Variants in IP6K2 observed in about 807,000 individuals in gnomAD.
IP6K2 encodes the protein ATP:1D-myo-inositol-hexakisphosphate phosphotransferase.
Under a neutral mutation model 43.3 loss-of-function variants are expected in IP6K2, and 9 were observed. The observed-to-expected ratio is 0.21, with a 90% CI of 0.13 to 0.36. The LOEUF (loss-of-function observed/expected upper bound fraction) is 0.36, where lower values mean the gene tolerates loss of function less well. Ranked by LOEUF, IP6K2 falls within the 10% of genes least tolerant of loss-of-function variation. The pLI is 1.00. For missense variants in IP6K2, 332 were observed against 538.4 expected (o/e 0.62, Z 3.79); for synonymous variants, 209 against 202.4 (o/e 1.03, Z -0.28).
intron 2 of IP6K2, chr3:48,694,449 G>A (rs756412351): frequency 6.5e-7 from 1 of 1,548,980 alleles, no homozygotes; most frequent in South Asian, 1.2e-5. Flanking sequence ...TTTCTTTAAT[G>A]GATTCTTACT....
intron 2 of IP6K2, chr3:48,694,876 C>T: frequency 6.5e-7 from 1 of 1,538,604 alleles, no homozygotes; most frequent in Non-Finnish European, 8.7e-7. Flanking sequence ...CAAATCCACA[C>T]AACAAAACAG....
At chr3:48,715,578 C>T in intron 1 of IP6K2, 1 of 1,031,702 alleles carries the variant, frequency 9.7e-7, no homozygotes, top group South Asian at 1.5e-5. Flanking sequence ...ATTTCTAGAT[C>T]TCCCAGGTCC....
intron 1 of IP6K2, among the ~76,000 whole-genome samples, chr3:48,712,200 C>G (rs1197844890): frequency 6.6e-6 from 1 of 151,162 alleles, no homozygotes; most frequent in East Asian, 1.9e-4. Context: ...TCAAGACCAG[C>G]CTGGGTAAAA....
At chr3:48,693,536 A>G in intron 2 of IP6K2, 5 of 1,214,330 alleles carry the variant, frequency 4.1e-6, no homozygotes, top group Non-Finnish European at 5.2e-6. Context: ...AGTTTGCGGG[A>G]ATTTTTAATG....
chr3:48,707,392 C>A (rs1348946125), intron 1 of IP6K2, among the ~76,000 whole-genome samples: 3 of 152,178 alleles, frequency 2.0e-5, no homozygotes, highest in African/African-American at 7.2e-5. Context: ...AAGATGTATA[C>A]AAGGTGCTAG....
At chr3:48,716,310 A>AT (rs2081187527) in intron 1 of IP6K2, 1 of 152,142 alleles carries the variant, frequency 6.6e-6, no homozygotes, top group African/African-American at 2.4e-5. Context: ...ATTCAAGATG[A>AT]TTTTTTGTTC....
rs1409645246 is a variant in IP6K2, at chr3:48,688,934, C to T, written c.781-161G>A. Among the ~76,000 whole-genome samples, 2 of 152,342 alleles carry T rather than the reference C, an allele frequency of 1.3e-5. No individual in the cohort carries two copies. The highest frequency in any genetic ancestry group is 3.9e-4 in the East Asian group (2 of 5,184). ...ACTGTCCACTATGCTCTCTGATCAG[C>T]CCCCACCTGGGATGCAGCCATCCAA... On this transcript the variant is annotated intron_variant, in intron 5 of 5. Transcript: ENST00000328631. This position sits in a 1 kb window ranked among gnomAD's most constrained non-coding sequence, Gnocchi z 5.1.
chr3:48,693,691 A>T, intron 2 of IP6K2: 1 of 1,084,040 alleles, frequency 9.2e-7, no homozygotes, highest in Non-Finnish European at 1.1e-6. Context: ...GGGCAAACAA[A>T]ACAAACCACA....
chr3:48,694,299 G>GC (rs2078067417), intron 2 of IP6K2: 1 of 1,551,166 alleles, frequency 6.4e-7, no homozygotes, highest in Non-Finnish European at 8.7e-7. Context: ...CATCCCCACC[G>GC]CAATACACAT....
Position 48,693,110 on chromosome 3 carries a change from C to G in IP6K2, c.272G>C (p.Gly91Ala), listed in dbSNP as rs1175679405. The G allele has an allele frequency of 6.2e-7, 1 of 1,614,208 alleles. No individual in the cohort carries two copies. The highest frequency in any genetic ancestry group is 8.5e-7 in the Non-Finnish European group (1 of 1,180,008). The change falls in exon 3 of 6, where the codon GGG (glycine) becomes GCG (alanine). Residue 91 changes from glycine to alanine, a missense_variant. By Grantham distance (60) the Gly-to-Ala change is moderately conservative. Coordinates refer to ENST00000328631, the MANE Select transcript of IP6K2 (RefSeq NM_016291.4). Reference sequence around the variant, plus strand: ...TACAATGTCCACAATTCCATGGTCCCCTTTCAATGGATATGCTATTAGACA... The same window carrying G: ...TACAATGTCCACAATTCCATGGTCCGCTTTCAATGGATATGCTATTAGACA... ...NLCLIAYPLK[G>A]DHGIVDIVDN...
At chr3:48,693,714 C>A in intron 2 of IP6K2, 1 of 1,052,800 alleles carries the variant, frequency 9.5e-7, no homozygotes, top group Non-Finnish European at 1.1e-6. Context: ...GCACAAGACA[C>A]CCTAGCAAAG....
At chr3:48,690,045 T>C (rs2077631577) in intron 4 of IP6K2, among the ~76,000 whole-genome samples, 1 of 152,350 alleles carries the variant, frequency 6.6e-6, no homozygotes, top group Middle Eastern at 3.4e-3. Context: ...CAATTACAAG[T>C]AGAACATCAA....
chr3:48,702,450 T>G (rs11928552), intron 1 of IP6K2, among the ~76,000 whole-genome samples: 4 of 144,326 alleles, frequency 2.8e-5, no homozygotes, highest in Admixed American at 2.7e-4. Context: ...TCACCCCCCC[T>G]TTTTTTTTTT....
At chr3:48,710,617 GT>G (rs922183846) in intron 1 of IP6K2, among the ~76,000 whole-genome samples, 1 of 148,792 alleles carries the variant, frequency 6.7e-6, no homozygotes, top group Non-Finnish European at 1.5e-5. Context: ...CATTAGTTTA[GT>G]TTTTTTTTTG....
intron 1 of IP6K2, among the ~76,000 whole-genome samples, chr3:48,696,209 A>C (rs536449236): frequency 6.6e-6 from 1 of 152,050 alleles, no homozygotes; most frequent in South Asian, 2.1e-4. Context: ...TATAAAATGC[A>C]TTTAAATACA....
rs375983230 is a variant in IP6K2, at chr3:48,688,619, G to A, written c.935C>T (p.Thr312Ile). 1 of 1,614,244 alleles carries A rather than the reference G, an allele frequency of 6.2e-7. No individual in the cohort carries two copies. Among genetic ancestry groups the A allele is most frequent in the Non-Finnish European group, 8.5e-7 (1 of 1,180,054 alleles). Reference sequence around the variant, plus strand: ...TCGCTCCAACACTGCCTTGAGCTCAGTCAGCTTCTTGAGCACAGGGCCCAG... The same window carrying A: ...TCGCTCCAACACTGCCTTGAGCTCAATCAGCTTCTTGAGCACAGGGCCCAG... The part of the protein sequence containing the change: ...ELLGPVLKKL[T>I]ELKAVLERQE... The change falls in exon 6 of 6, where the codon ACT (threonine) becomes ATT (isoleucine). Residue 312 changes from threonine to isoleucine, a missense_variant. Physicochemically the swap from Thr to Ile is moderately conservative, Grantham distance 89. Transcript: ENST00000328631. The surrounding 1 kb of genome is among the most constrained non-coding windows in gnomAD (Gnocchi z 5.1).
intron 2 of IP6K2, chr3:48,694,041 C>T: frequency 1.4e-6 from 2 of 1,429,930 alleles, no homozygotes; most frequent in African/African-American, 1.5e-5. Flanking sequence ...CCCAGCATCA[C>T]TCAATCTGCT....
chr3:48,709,302 G>A (rs1360126634), intron 1 of IP6K2, among the ~76,000 whole-genome samples: 1 of 152,242 alleles, frequency 6.6e-6, no homozygotes, highest in Non-Finnish European at 1.5e-5. Flanking sequence ...GCTGGAGCAG[G>A]AACAAAAGTG....
rs1327612415 is a variant in IP6K2, at chr3:48,706,070, G to C, written c.-130-10649C>G. Among the ~76,000 whole-genome samples the C allele has an allele frequency of 5.6e-4, 12 of 21,278 alleles. No homozygotes were observed. The South Asian group carries it at 0.091, about 161-fold the overall frequency. 14.0% of individuals were successfully genotyped at this position (21,278 alleles called of 152,430 possible). ...AAAATACAAAAAATTAGCCGTGCAT[G>C]GTGGTGGGCGCCTATATTCCAAGCT... On this transcript the variant is annotated intron_variant, in intron 1 of 5. Transcript: ENST00000328631.
Sources: gnomAD v4.1 joint callset for allele counts (sites outside exome capture counted in the v4.1 genomes callset) on GRCh38, gnomAD v4.1.1 for gene constraint, Gnocchi (gnomAD v3.1) non-coding constraint, MANE v1.5 for transcripts, NCBI Gene and HGNC (gene_info 2026-07-23, HGNC 2026-07-21) for gene names.